GRID2: variants seen among roughly 807,000 people sequenced by gnomAD.
GRID2 encodes glutamate receptor ionotropic, delta-2.
Under a neutral mutation model 114.8 loss-of-function variants are expected in GRID2, and 33 were observed. That is an observed-to-expected ratio of 0.29 (90% CI 0.22 to 0.38). The LOEUF is 0.38. Among genes scored for constraint, GRID2 ranks in the 10% least tolerant of loss-of-function variants. The pLI is 1.00. For missense variants in GRID2, 1,184 were observed against 1,257.7 expected (o/e 0.94, Z 0.89); for synonymous variants, 505 against 449.9 (o/e 1.12, Z -1.55).
At chr4:93,604,357 A>C (rs1025872557) in intron 13 of GRID2, among the ~76,000 whole-genome samples, 1 of 152,230 alleles carries the variant, frequency 6.6e-6, no homozygotes, top group South Asian at 2.1e-4. Flanking sequence ...ATGGAGCCTG[A>C]CAACGTAGCT....
intron 13 of GRID2, among the ~76,000 whole-genome samples, chr4:93,600,640 TG>T (rs1350605349): frequency 6.6e-6 from 1 of 152,174 alleles, no homozygotes; most frequent in Non-Finnish European, 1.5e-5. Flanking sequence ...AAAACTACTT[TG>T]GAAATCTGTT....
intron 2 of GRID2, among the ~76,000 whole-genome samples, chr4:92,978,667 G>T (rs1371080186): frequency 6.6e-6 from 1 of 152,054 alleles, no homozygotes; most frequent in Non-Finnish European, 1.5e-5. Flanking sequence ...AAATGAAGGA[G>T]AAATTTAGAA....
intron 1 of GRID2, among the ~76,000 whole-genome samples, chr4:92,527,131 A>G (rs1447830979): frequency 6.6e-6 from 1 of 152,094 alleles, no homozygotes; most frequent in Non-Finnish European, 1.5e-5. Flanking sequence ...ATAGTGGCAT[A>G]ACTGTTGTGT....
intron 8 of GRID2, among the ~76,000 whole-genome samples, chr4:93,315,369 G>A (rs1472288699): frequency 1.3e-5 from 2 of 152,088 alleles, no homozygotes; most frequent in Non-Finnish European, 2.9e-5. Flanking sequence ...ATAATGGAAA[G>A]TTTATATGCT....
chr4:92,461,508 C>T (rs553909751), intron 1 of GRID2, among the ~76,000 whole-genome samples: 7 of 151,920 alleles, frequency 4.6e-5, no homozygotes, highest in East Asian at 1.9e-4. Flanking sequence ...TATGCTTTCT[C>T]GATATCTTTC....
intron 8 of GRID2, among the ~76,000 whole-genome samples, chr4:93,287,103 A>ATT (rs1753259046): frequency 6.6e-6 from 1 of 152,092 alleles, no homozygotes; most frequent in Admixed American, 6.6e-5. Context: ...TTATAACTTA[A>ATT]GTGAGAAAAA....
At chr4:92,820,078 G>A (rs897080768) in intron 2 of GRID2, among the ~76,000 whole-genome samples, 4 of 152,024 alleles carry the variant, frequency 2.6e-5, no homozygotes, top group Non-Finnish European at 5.9e-5. Flanking sequence ...AAGATACTCT[G>A]CTTTGCATAT....
intron 14 of GRID2, among the ~76,000 whole-genome samples, chr4:93,734,807 A>G (rs1578694189): frequency 6.6e-6 from 1 of 152,060 alleles, no homozygotes; most frequent in Non-Finnish European, 1.5e-5. Flanking sequence ...TTCAAAAGGG[A>G]ACATTGCACG....
chr4:93,059,933 C>A (rs1727622034), intron 2 of GRID2, among the ~76,000 whole-genome samples: 1 of 151,828 alleles, frequency 6.6e-6, no homozygotes, highest in East Asian at 1.9e-4. Flanking sequence ...TTCAAATTAT[C>A]TAGACCACTA....
intron 2 of GRID2, among the ~76,000 whole-genome samples, chr4:92,927,540 A>C (rs1749903235): frequency 6.6e-6 from 1 of 151,808 alleles, no homozygotes; most frequent in Non-Finnish European, 1.5e-5. Flanking sequence ...CTAGGTACAA[A>C]AAATCATTTA....
intron 8 of GRID2, among the ~76,000 whole-genome samples, chr4:93,373,232 T>G (rs541679353): frequency 6.6e-6 from 1 of 152,284 alleles, no homozygotes; most frequent in South Asian, 2.1e-4. Flanking sequence ...GCTTGTGCTG[T>G]TCCTCAAACT....
At chr4:92,958,746 A>G (rs954012676) in intron 2 of GRID2, among the ~76,000 whole-genome samples, 1 of 152,082 alleles carries the variant, frequency 6.6e-6, no homozygotes, top group Non-Finnish European at 1.5e-5. Flanking sequence ...GAAAATTGGT[A>G]TAATTTCTTC....
At chr4:93,587,094 T>C (rs13128862) in intron 13 of GRID2, among the ~76,000 whole-genome samples, 34,076 of 151,994 alleles carry the variant, frequency 0.22, 4,182 homozygotes, top group Middle Eastern at 0.35. Context: ...ATGAAGTTTC[T>C]TTCTGTCTAT....
chr4:93,676,579 G>C (rs1280333698), intron 14 of GRID2, among the ~76,000 whole-genome samples: 1 of 152,072 alleles, frequency 6.6e-6, no homozygotes, highest in African/African-American at 2.4e-5. Context: ...TTATGGGATT[G>C]TGTAACATAA....
At chr4:93,569,043 T>G (rs1240390461) in intron 13 of GRID2, among the ~76,000 whole-genome samples, 1 of 152,188 alleles carries the variant, frequency 6.6e-6, no homozygotes, top group Non-Finnish European at 1.5e-5. Context: ...TGTAAATGCC[T>G]GGAAGTTTAG....
rs894477128 is a variant in GRID2 at position 92,957,594 on chromosome 4, A to AT, written c.245-127391dup. ...TTGAGTCAGGTAGTATCAGTCTTCC[A>AT]TTTTTTTTTTCTTCAACTTTAACAT... On this transcript the variant is annotated intron_variant, in intron 2 of 15. Coordinates refer to ENST00000282020, the MANE Select transcript of GRID2 (RefSeq NM_001510.4). Among the ~76,000 whole-genome samples, 617 of 147,248 alleles carry AT rather than the reference A, an allele frequency of 4.2e-3. 4 individuals carry two copies. The highest frequency in any genetic ancestry group is 0.014 in the African/African-American group (563 of 40,424).
intron 4 of GRID2, among the ~76,000 whole-genome samples, chr4:93,121,153 C>G (rs1448457922): frequency 1.3e-5 from 2 of 152,036 alleles, no homozygotes; most frequent in Non-Finnish European, 2.9e-5. Flanking sequence ...TTAAATGACA[C>G]ATTTTTTTCT....
rs553876196 is a variant in GRID2, at chr4:93,454,254, T to A, written c.1546-1408T>A. 1.3e-4 allele frequency among the ~76,000 whole-genome samples: 20 copies of A among 152,130 alleles called. No homozygotes were observed. The East Asian group carries it at 3.9e-3, about 30-fold the overall frequency. ...TTTCACACTGTTTTAATATAAAAAATTTCCTAGAACCAATTACCCTGAGTG... is the reference window on the plus strand; with the variant it reads ...TTTCACACTGTTTTAATATAAAAAAATTCCTAGAACCAATTACCCTGAGTG... On this transcript the variant is annotated intron_variant, in intron 10 of 15. Coordinates refer to ENST00000282020, the MANE Select transcript of GRID2 (RefSeq NM_001510.4).
At chr4:93,010,250 C>T (rs1578742961) in intron 2 of GRID2, among the ~76,000 whole-genome samples, 1 of 152,076 alleles carries the variant, frequency 6.6e-6, no homozygotes, top group South Asian at 2.1e-4. Context: ...ATTCCACCAT[C>T]TTTACCTACA....
Sources: gnomAD v4.1 joint callset for allele counts (sites outside exome capture counted in the v4.1 genomes callset) on GRCh38, gnomAD v4.1.1 for gene constraint, MANE v1.5 for transcripts, NCBI Gene and HGNC (gene_info 2026-07-23, HGNC 2026-07-21) for gene names.